Variants in PBX1 observed in about 807,000 individuals in gnomAD.
The protein encoded by PBX1 is pre-B-cell leukemia transcription factor 1.
PBX1 carries 6 observed loss-of-function variants against 53.4 expected under a neutral mutation model. The ratio of observed to expected loss-of-function variants is 0.11; its 90% CI spans 0.06 to 0.22. The LOEUF (loss-of-function observed/expected upper bound fraction) is 0.22. Among genes scored for constraint, PBX1 ranks in the 10% least tolerant of loss-of-function variants. PBX1 has a pLI of 1.00. For missense variants in PBX1, 251 were observed against 551.4 expected (o/e 0.46, Z 5.46); for synonymous variants, 204 against 212.3 (o/e 0.96, Z 0.34).
At chr1:164,852,153 A>T (rs570573235), downstream of PBX1, among the ~76,000 whole-genome samples, 2 of 152,302 alleles carry the variant, frequency 1.3e-5, no homozygotes, top group South Asian at 2.1e-4. Flanking sequence ...AATAAATTCT[A>T]AGTTCCTAAG....
At chr1:164,701,636 A>G (rs899193983) in intron 2 of PBX1, among the ~76,000 whole-genome samples, 2 of 152,194 alleles carry the variant, frequency 1.3e-5, no homozygotes, top group South Asian at 2.1e-4. Context: ...CCCTGTGGTG[A>G]TGGTCTAGTT....
chr1:164,594,605 G>A (rs191009272), intron 2 of PBX1, among the ~76,000 whole-genome samples: 282 of 152,264 alleles, frequency 1.9e-3, no homozygotes, highest in Non-Finnish European at 2.9e-3. Context: ...TTAAATTTAA[G>A]TAGAAAATTT....
intron 2 of PBX1, among the ~76,000 whole-genome samples, chr1:164,668,234 C>T (rs1043266296): frequency 5.3e-5 from 8 of 152,194 alleles, no homozygotes; most frequent in Admixed American, 2.6e-4. Flanking sequence ...CCCAAGCGAC[C>T]GGTCTTTCCT....
intron 2 of PBX1, among the ~76,000 whole-genome samples, chr1:164,883,172 G>C (rs991916027): frequency 6.6e-6 from 1 of 152,120 alleles, no homozygotes; most frequent in African/African-American, 2.4e-5. Context: ...ATTCTGAGGA[G>C]GACTAGAGAA....
intron 2 of PBX1, among the ~76,000 whole-genome samples, chr1:164,791,907 C>T (rs1232611067): frequency 6.6e-6 from 1 of 152,006 alleles, no homozygotes; most frequent in Non-Finnish European, 1.5e-5. Context: ...TCACTGCAGC[C>T]TCCGCCTCCT....
At chr1:164,807,791 T>C in intron 5 of PBX1, 114 bp downstream of exon 5, 1 of 1,218,968 alleles carries the variant, frequency 8.2e-7, no homozygotes, top group Non-Finnish European at 1.2e-6. Context: ...TTCCATCAGC[T>C]ATAGCCTTAA....
At chr1:164,584,450 T>C (rs1462899598) in intron 2 of PBX1, among the ~76,000 whole-genome samples, 3 of 152,172 alleles carry the variant, frequency 2.0e-5, no homozygotes, top group Admixed American at 6.5e-5. Context: ...TCTTATGTGA[T>C]GTGTCGAGAA....
At chr1:164,755,653 A>G (rs755686430) in intron 2 of PBX1, among the ~76,000 whole-genome samples, 5 of 152,100 alleles carry the variant, frequency 3.3e-5, no homozygotes, top group Non-Finnish European at 7.4e-5. Context: ...CAGTGAGGTA[A>G]AGTGAAACAA....
chr1:164,655,313 A>G (rs986279338), intron 2 of PBX1, among the ~76,000 whole-genome samples: 1 of 151,978 alleles, frequency 6.6e-6, no homozygotes, highest in African/African-American at 2.4e-5. Flanking sequence ...GGGTTTCTCC[A>G]TGGTGGTCAG....
chr1:164,598,659 A>G (rs1655936710), intron 2 of PBX1, among the ~76,000 whole-genome samples: 1 of 152,168 alleles, frequency 6.6e-6, no homozygotes, highest in African/African-American at 2.4e-5. Flanking sequence ...ATTGGTTCTT[A>G]TCCTTTCTGA....
At chr1:164,841,697 G>C (rs769574663) in intron 8 of PBX1, among the ~76,000 whole-genome samples, 2 of 152,170 alleles carry the variant, frequency 1.3e-5, no homozygotes, top group Non-Finnish European at 2.9e-5. Context: ...TGATAGAAGA[G>C]TGATGAATCT....
chr1:164,642,141 A>G (rs151277248), intron 2 of PBX1: 4 of 152,064 alleles, frequency 2.6e-5, no homozygotes, highest in African/African-American at 9.6e-5. Flanking sequence ...CATTGTGCCT[A>G]TTTTTCAGGG....
chr1:164,874,531 A>T (rs1399944198), intron 2 of PBX1, among the ~76,000 whole-genome samples: 1 of 152,070 alleles, frequency 6.6e-6, no homozygotes, highest in Non-Finnish European at 1.5e-5. Flanking sequence ...ATCTTACTTC[A>T]TCACCCAGGC....
intron 2 of PBX1, among the ~76,000 whole-genome samples, chr1:164,698,587 G>A (rs1296753690): frequency 1.3e-5 from 2 of 152,114 alleles, no homozygotes; most frequent in Non-Finnish European, 2.9e-5. Context: ...GTAGCTGAGA[G>A]CCAGGATGCT....
chr1:164,843,015 C>G (rs1249644326), intron 8 of PBX1, among the ~76,000 whole-genome samples: 2 of 150,404 alleles, frequency 1.3e-5, no homozygotes, highest in African/African-American at 4.9e-5. Context: ...CACCCACAGT[C>G]GAGGTAGAGG....
intron 2 of PBX1, among the ~76,000 whole-genome samples, chr1:164,693,190 A>T (rs1199239995): frequency 6.6e-6 from 1 of 152,214 alleles, no homozygotes; most frequent in African/African-American, 2.4e-5. Flanking sequence ...CAGAGTTTGG[A>T]TGTACAAGAT....
At chr1:164,652,926 G>A (rs1458904687) in intron 2 of PBX1, among the ~76,000 whole-genome samples, 2 of 150,958 alleles carry the variant, frequency 1.3e-5, no homozygotes, top group Non-Finnish European at 2.9e-5. Context: ...CTGGAGGGCA[G>A]TGGTGCGACC....
intron 2 of PBX1, among the ~76,000 whole-genome samples, chr1:164,645,200 A>T (rs1659380085): frequency 6.6e-6 from 1 of 152,146 alleles, no homozygotes; most frequent in South Asian, 2.1e-4. Context: ...ACCCTTAAGG[A>T]TGAAGCCTAT....
chr1:164,568,743 C>T (rs1265516112), intron 2 of PBX1, among the ~76,000 whole-genome samples: 1 of 152,150 alleles, frequency 6.6e-6, no homozygotes, highest in African/African-American at 2.4e-5. Flanking sequence ...GGTAATCGAT[C>T]GTCGCTCATG....
Sources: gnomAD v4.1 joint callset for allele counts (sites outside exome capture counted in the v4.1 genomes callset) on GRCh38, gnomAD v4.1.1 for gene constraint, MANE v1.5 for transcripts, NCBI Gene and HGNC (gene_info 2026-07-23, HGNC 2026-07-21) for gene names.